The following CTNND2 variants were observed in gnomAD, a reference collection of about 807,000 sequenced individuals.
The protein encoded by CTNND2 is catenin delta-2.
A neutral mutation model predicts 144.4 loss-of-function variants in CTNND2; 22 were observed. That is an observed-to-expected ratio of 0.15 (90% CI 0.11 to 0.22). The LOEUF (loss-of-function observed/expected upper bound fraction) is 0.22. Among genes scored for constraint, CTNND2 ranks in the 10% least tolerant of loss-of-function variants. CTNND2 has a pLI of 1.00. For missense variants in CTNND2, 1,353 were observed against 1,618.8 expected, an observed-to-expected ratio of 0.84 and a Z score of 2.82; for synonymous variants, 751 against 695.6, an observed-to-expected ratio of 1.08 and a Z score of -1.25.
chr5:11,282,013 C>T (rs1028766483), intron 9 of CTNND2, among the ~76,000 whole-genome samples: 2 of 152,022 alleles, frequency 1.3e-5, no homozygotes, highest in African/African-American at 2.4e-5. Context: ...CTAATTTGGG[C>T]AGGGCTCAGC....
intron 11 of CTNND2, among the ~76,000 whole-genome samples, chr5:11,181,659 G>T (rs555066145): frequency 6.6e-6 from 1 of 152,010 alleles, no homozygotes; most frequent in East Asian, 1.9e-4. Flanking sequence ...GTGTGTATGT[G>T]TGTGTGTGTG....
chr5:11,343,082 G>T (rs2149734417), intron 9 of CTNND2, among the ~76,000 whole-genome samples: 1 of 152,272 alleles, frequency 6.6e-6, no homozygotes, highest in African/African-American at 2.4e-5. Context: ...TGGGTTTTCT[G>T]TTGGCATATA....
intron 1 of CTNND2, among the ~76,000 whole-genome samples, chr5:11,738,062 G>A (rs113383238): frequency 2.0e-3 from 310 of 152,312 alleles, no homozygotes; most frequent in African/African-American, 7.3e-3. Context: ...TGTGGGCTGG[G>A]CATGGAGTCT....
At chr5:11,136,385 A>G (rs904930501) in intron 12 of CTNND2, among the ~76,000 whole-genome samples, 1 of 152,202 alleles carries the variant, frequency 6.6e-6, no homozygotes, top group African/African-American at 2.4e-5. Flanking sequence ...TTTATAAAGT[A>G]TATTTGTTGC....
chr5:11,050,573 G>C (rs1745727748), intron 16 of CTNND2, among the ~76,000 whole-genome samples: 1 of 152,186 alleles, frequency 6.6e-6, no homozygotes, highest in Non-Finnish European at 1.5e-5. Flanking sequence ...CCCATGGAGA[G>C]ACTGAATATG....
chr5:11,108,301 C>T lies in CTNND2; in HGVS notation c.2463+2557G>A, dbSNP rs369436716. Among the ~76,000 whole-genome samples, 7 of 152,250 alleles carry T rather than the reference C, an allele frequency of 4.6e-5. 1 individual carries two copies. The East Asian group carries it at 7.7e-4, about 17-fold the overall frequency. On this transcript the variant is annotated intron_variant, in intron 14 of 21. Transcript: ENST00000304623. ...CGGGCAAGAAGCCTTGAAAGTTCTT[C>T]CAAGACATCTCTTTCATTGTGGGAA...
intron 16 of CTNND2, among the ~76,000 whole-genome samples, chr5:11,023,664 C>T (rs1171493533): frequency 6.6e-6 from 1 of 152,146 alleles, no homozygotes; most frequent in Non-Finnish European, 1.5e-5. Flanking sequence ...TTGTGTAGTT[C>T]TACCAGGTAA....
chr5:11,511,539 G>A (rs1771647948), intron 3 of CTNND2, among the ~76,000 whole-genome samples: 1 of 152,132 alleles, frequency 6.6e-6, no homozygotes, highest in African/African-American at 2.4e-5. Flanking sequence ...GGGGTGATGT[G>A]TCCATTTGGG....
intron 3 of CTNND2, among the ~76,000 whole-genome samples, chr5:11,420,139 C>G (rs1445791447): frequency 6.6e-6 from 1 of 152,034 alleles, no homozygotes; most frequent in Non-Finnish European, 1.5e-5. Context: ...CTGGCCAACA[C>G]AGTGAAACCC....
chr5:11,482,950 C>G (rs1189455617), intron 3 of CTNND2, among the ~76,000 whole-genome samples: 1 of 151,816 alleles, frequency 6.6e-6, no homozygotes, highest in Admixed American at 6.6e-5. Context: ...ATGTGTGGAG[C>G]CTTTTGGGGC....
intron 6 of CTNND2, among the ~76,000 whole-genome samples, chr5:11,389,059 C>A (rs984914110): frequency 1.3e-5 from 2 of 152,078 alleles, no homozygotes; most frequent in Admixed American, 6.6e-5. Flanking sequence ...AATGATATAA[C>A]AAATTTAGAT....
At chr5:11,075,347 G>T (rs1326000892) in intron 16 of CTNND2, among the ~76,000 whole-genome samples, 1 of 152,202 alleles carries the variant, frequency 6.6e-6, no homozygotes, top group Admixed American at 6.5e-5. Context: ...AGCCCAGCGT[G>T]AAAAGTGGAT....
At chr5:11,026,826 A>C (rs1742881908) in intron 16 of CTNND2, among the ~76,000 whole-genome samples, 1 of 152,220 alleles carries the variant, frequency 6.6e-6, no homozygotes, top group Admixed American at 6.5e-5. Context: ...GCCATTATGG[A>C]AATTCTTAAG....
rs191905319 is a variant in CTNND2 at position 11,454,368 on chromosome 5, C to T, written c.288-42299G>A. Reference sequence around the variant, plus strand: ...CCGGGAGGCAGAGGTTGCAGTGAGCCGAAATCACATCACCGCACTTCGGCC... The same window carrying T: ...CCGGGAGGCAGAGGTTGCAGTGAGCTGAAATCACATCACCGCACTTCGGCC... On this transcript the variant is annotated intron_variant, in intron 3 of 21. Coordinates refer to ENST00000304623, the MANE Select transcript of CTNND2 (RefSeq NM_001332.4). Among the ~76,000 whole-genome samples, 161 of 151,848 alleles carry T rather than the reference C, an allele frequency of 1.1e-3. 1 individual carries two copies. The East Asian group carries it at 0.02, about 19-fold the overall frequency.
At chr5:11,336,266 G>A (rs1008900009) in intron 9 of CTNND2, among the ~76,000 whole-genome samples, 9 of 152,118 alleles carry the variant, frequency 5.9e-5, no homozygotes, top group Admixed American at 2.0e-4. Flanking sequence ...TAACCTGGAC[G>A]CTCTCCACTG....
chr5:11,728,120 C>T (rs1446640630), intron 2 of CTNND2, among the ~76,000 whole-genome samples: 1 of 152,130 alleles, frequency 6.6e-6, no homozygotes, highest in African/African-American at 2.4e-5. Flanking sequence ...TTCCTTGTGG[C>T]TTCATATGAC....
rs1284888403 is a variant in CTNND2, at chr5:11,240,495, A to AAC, written c.1629-3674_1629-3673dup. ...CTCACATACACTCAAACACACACCC[A>AAC]ACACACACACCCAACACACACACAC... On this transcript the variant is annotated intron_variant, in intron 9 of 21. Coordinates refer to ENST00000304623, the MANE Select transcript of CTNND2 (RefSeq NM_001332.4). Among the ~76,000 whole-genome samples the AAC allele has an allele frequency of 2.7e-4, 26 of 95,062 alleles. 1 individual carries two copies. The highest frequency in any genetic ancestry group is 7.7e-4 in the African/African-American group (18 of 23,416). 62.4% of individuals were successfully genotyped at this position (95,062 alleles called of 152,430 possible).
At chr5:11,898,752 A>G (rs1737611730) in intron 1 of CTNND2, among the ~76,000 whole-genome samples, 1 of 152,220 alleles carries the variant, frequency 6.6e-6, no homozygotes. Flanking sequence ...TTGCTCTGGT[A>G]ACTTATAATT....
intron 9 of CTNND2, among the ~76,000 whole-genome samples, chr5:11,291,845 G>A (rs1180721237): frequency 6.6e-6 from 1 of 151,986 alleles, no homozygotes; most frequent in African/African-American, 2.4e-5. Flanking sequence ...TTTATTTCCT[G>A]ATGTCTTGCA....
Sources: allele counts gnomAD v4.1 joint callset (sites outside exome capture counted in the v4.1 genomes callset), GRCh38; gene constraint gnomAD v4.1.1; transcripts MANE v1.5; gene names NCBI Gene and HGNC (gene_info 2026-07-23, HGNC 2026-07-21).